Variants in PM20D2 observed in about 807,000 individuals in gnomAD.
PM20D2 encodes the protein peptidase M20 domain containing 2, also known as xaa-Arg dipeptidase.
Under a neutral mutation model 42.9 loss-of-function variants are expected in PM20D2, and 33 were observed. That is an observed-to-expected ratio of 0.77 (90% CI 0.58 to 1.03). The LOEUF (loss-of-function observed/expected upper bound fraction) is 1.03. PM20D2 is among the 50% of genes least tolerant of loss of function. PM20D2 has a pLI of 0.00. For synonymous variants in PM20D2, 250 were observed against 228.2 expected (o/e 1.10, Z -0.86); for missense variants, 548 against 557.0 (o/e 0.98, Z 0.16).
chr6:89,165,053 C>T lies in PM20D2; in HGVS notation c.*2790C>T, dbSNP rs1394959093. On this transcript the variant is annotated 3_prime_UTR_variant, in exon 7 of 7. Transcript: ENST00000275072. ...GGACTGAGGGAACATCTGAAAGCTA[C>T]CATCTTGAAAATTTTTGAGGAAGTG... is the stretch of plus-strand genomic sequence containing the variant. 2 of 151,666 alleles carry T rather than the reference C, an allele frequency of 1.3e-5. No homozygotes were observed. Among genetic ancestry groups the T allele is most frequent in the African/African-American group, 4.8e-5 (2 of 41,322 alleles). The allele number at this position is 151,666 out of a possible 1,614,324, so 9.4% of individuals were successfully genotyped here.
chr6:89,107,058 G>A, the PM20D2 span: 61 of 1,169,078 alleles, frequency 5.2e-5, no homozygotes, highest in Non-Finnish European at 7.0e-5. Flanking sequence ...CATTTAATTA[G>A]GCAATATTAA....
chr6:89,151,293 C>T (rs939594349), intron 2 of PM20D2, among the ~76,000 whole-genome samples: 30 of 149,516 alleles, frequency 2.0e-4, no homozygotes, highest in African/African-American at 6.9e-4. Flanking sequence ...TACAGTGGCG[C>T]AATCTCAGCT....
At chr6:89,150,566 G>T in intron 2 of PM20D2, among the ~76,000 whole-genome samples, 1 of 112,364 alleles carries the variant, frequency 8.9e-6, no homozygotes, top group Non-Finnish European at 1.7e-5. Flanking sequence ...TTGAGGCTGA[G>T]TCTCACTCAA....
At chr6:89,105,125 A>G in the PM20D2 span, 1 of 1,611,630 alleles carries the variant, frequency 6.2e-7, no homozygotes. Flanking sequence ...TCACTCTTTA[A>G]GGCTGTCTGA....
chr6:89,094,278 A>G, the PM20D2 span, among the ~76,000 whole-genome samples: 1 of 150,284 alleles, frequency 6.7e-6, no homozygotes, highest in South Asian at 2.1e-4. Flanking sequence ...GCTGGAGTGC[A>G]GTGGCACCAT....
chr6:89,110,382 G>T, the PM20D2 span, among the ~76,000 whole-genome samples: 2 of 152,150 alleles, frequency 1.3e-5, no homozygotes, highest in African/African-American at 4.8e-5. Context: ...TACCCTCTAA[G>T]GTTTCCCACT....
chr6:89,121,165 C>T, the PM20D2 span, among the ~76,000 whole-genome samples: 1 of 152,074 alleles, frequency 6.6e-6, no homozygotes, highest in Admixed American at 6.6e-5. Context: ...AAAGGGTCTT[C>T]AACTGTGTAA....
intron 5 of PM20D2, 89 bp downstream of exon 5, chr6:89,158,549 G>A: frequency 6.9e-7 from 1 of 1,446,178 alleles, no homozygotes; most frequent in Non-Finnish European, 9.4e-7. Flanking sequence ...GGTTTGGGAG[G>A]TCGGGAGGTA....
At chr6:89,151,738 A>G (rs551328205) in intron 2 of PM20D2, among the ~76,000 whole-genome samples, 52 of 152,322 alleles carry the variant, frequency 3.4e-4, no homozygotes, top group Admixed American at 1.8e-3. Context: ...GTATGTCTTG[A>G]AAATAATTCC....
intron 2 of PM20D2, among the ~76,000 whole-genome samples, chr6:89,150,531 CTTTTT>C (rs753768538): frequency 8.4e-5 from 5 of 59,422 alleles, no homozygotes; most frequent in Admixed American, 2.3e-4. Context: ...CTGATCATCT[CTTTTT>C]TTTTTTTTTT....
chr6:89,155,908 G>A (rs9351205), intron 4 of PM20D2, among the ~76,000 whole-genome samples: 29,205 of 147,440 alleles, frequency 0.2, 3,351 homozygotes, highest in Admixed American at 0.28. Flanking sequence ...TTTTTGAGGC[G>A]GAGTCTTGCC....
chr6:89,109,943 T>G, the PM20D2 span, among the ~76,000 whole-genome samples: 1 of 151,938 alleles, frequency 6.6e-6, no homozygotes, highest in Admixed American at 6.6e-5. Context: ...TACAAAAAAT[T>G]AACTGGGCGT....
the PM20D2 span, among the ~76,000 whole-genome samples, chr6:89,119,887 T>G: frequency 6.6e-6 from 1 of 152,182 alleles, no homozygotes; most frequent in African/African-American, 2.4e-5. Flanking sequence ...GCTCAAGTGA[T>G]CCTCCTGCCT....
At chr6:89,148,011 T>C (rs1770666117) in intron 1 of PM20D2, among the ~76,000 whole-genome samples, 1 of 145,442 alleles carries the variant, frequency 6.9e-6, no homozygotes, top group Non-Finnish European at 1.5e-5. Context: ...TGAGACAGTC[T>C]CATTCTGTCG....
At chr6:89,114,655 A>T in the PM20D2 span, among the ~76,000 whole-genome samples, 1 of 152,168 alleles carries the variant, frequency 6.6e-6, no homozygotes, top group Admixed American at 6.5e-5. Flanking sequence ...AATCTCAACT[A>T]TCAGTCTCAA....
the PM20D2 span, among the ~76,000 whole-genome samples, chr6:89,101,192 A>C: frequency 1.4e-3 from 210 of 152,314 alleles, no homozygotes; most frequent in Non-Finnish European, 2.6e-3. Context: ...TGAGAAAAGG[A>C]ATTTTAAGAA....
rs1325446375 is a variant in PM20D2, at chr6:89,164,851, T to G, written c.*2588T>G. 1.3e-5 allele frequency: 2 copies of G among 151,510 alleles called. No individual in the cohort carries two copies. Among genetic ancestry groups the G allele is most frequent in the Non-Finnish European group, 3.0e-5 (2 of 67,792 alleles). 9.4% of individuals were successfully genotyped at this position (151,510 alleles called of 1,614,324 possible). ...ACTTTTTTACAAGAGTGATATTAACTTGGATTTATTTTTCAATATAATTTG... is the reference window on the plus strand; with the variant it reads ...ACTTTTTTACAAGAGTGATATTAACGTGGATTTATTTTTCAATATAATTTG... On this transcript the variant is annotated 3_prime_UTR_variant, in exon 7 of 7. Transcript: ENST00000275072.
At chr6:89,150,077 G>T (rs1367543695) in intron 2 of PM20D2, among the ~76,000 whole-genome samples, 1 of 152,204 alleles carries the variant, frequency 6.6e-6, no homozygotes, top group Non-Finnish European at 1.5e-5. Flanking sequence ...AGGAGCCAGT[G>T]CTCAGCTGCT....
chr6:89,107,031 A>C, the PM20D2 span: 16 of 1,024,608 alleles, frequency 1.6e-5, no homozygotes, highest in Non-Finnish European at 2.1e-5. Context: ...AGATCTTCTG[A>C]GATAAAGAAA....
Sources: gnomAD v4.1 joint callset for allele counts (sites outside exome capture counted in the v4.1 genomes callset) on GRCh38, gnomAD v4.1.1 for gene constraint, MANE v1.5 for transcripts, NCBI Gene and HGNC (gene_info 2026-07-23, HGNC 2026-07-21) for gene names.